The following TARBP1 variants were observed in gnomAD, a reference collection of about 807,000 sequenced individuals.
TARBP1 encodes the protein tRNA (guanosine(18)-2'-O)-methyltransferase TARBP1.
A neutral mutation model predicts 178.6 loss-of-function variants in TARBP1; 144 were observed. The observed-to-expected ratio is 0.81, with a 90% CI of 0.70 to 0.93. The LOEUF (loss-of-function observed/expected upper bound fraction) is 0.93. Among genes scored for constraint, TARBP1 ranks in the 40% least tolerant of loss-of-function variants. The pLI is 0.00. For synonymous variants in TARBP1, 787 were observed against 781.0 expected, an observed-to-expected ratio of 1.01 and a Z score of -0.13; for missense variants, 2,067 against 2,011.7, an observed-to-expected ratio of 1.03 and a Z score of -0.53.
In TARBP1 at chr1:234,478,511, A is replaced by T; in HGVS notation, c.593T>A (p.Val198Glu). 7.2e-7 allele frequency: 1 copy of T among 1,387,762 alleles called. No homozygotes were observed. Among genetic ancestry groups the T allele is most frequent in the East Asian group, 3.4e-5 (1 of 29,774 alleles). The allele number at this position is 1,387,762 out of a possible 1,614,324, so 86.0% of individuals were successfully genotyped here. A position where few individuals can be genotyped will look rare whatever the true frequency, so the allele number is the denominator to read the frequency against. ...CGCCGCCCCGCCACATTGGACCAGC[A>T]CTGGCAGCAGTCGCCCGGCCACCAG... ...AALVAGRLLP[V>E]LVQCGGAALR... is the part of the protein sequence containing the mutation. The change falls in exon 1 of 30, where the codon GTG becomes GAG. Residue 198 changes from valine (V) to glutamate (E), a missense_variant. Coordinates refer to ENST00000040877, the MANE Select transcript of TARBP1 (RefSeq NM_005646.4).
chr1:234,401,061 G>T, intron 25 of TARBP1, 120 bp downstream of exon 25: 1 of 679,186 alleles, frequency 1.5e-6, no homozygotes, highest in Non-Finnish European at 2.4e-6. Flanking sequence ...AAAATGTTAA[G>T]GTGATGTTTG....
chr1:234,437,545 A>T (rs1665157773), intron 12 of TARBP1, among the ~76,000 whole-genome samples, 173 bp from the exon 13 acceptor site: 1 of 152,180 alleles, frequency 6.6e-6, no homozygotes, highest in South Asian at 2.1e-4. Flanking sequence ...CTTAATCTTA[A>T]GTCACTTAGG....
At position 234,431,966 on chromosome 1, in the gene TARBP1, A is replaced by T. The variant is rs12087763; in HGVS notation, c.2394+1444T>A. Among the ~76,000 whole-genome samples, 1,463 of 152,032 alleles carry T rather than the reference A, an allele frequency of 9.6e-3. 25 individuals carry two copies. The highest frequency in any genetic ancestry group is 0.033 in the African/African-American group (1,350 of 41,488). ...AGCCTGGCCAACATGGTGAAACTCC[A>T]TCTCTACTAAACACACAAAAATTAG... On this transcript the variant is annotated intron_variant, in intron 14 of 29. Transcript: ENST00000040877.
At chr1:234,463,471 C>A (rs1333157629) in intron 6 of TARBP1, among the ~76,000 whole-genome samples, 1 of 152,182 alleles carries the variant, frequency 6.6e-6, no homozygotes, top group African/African-American at 2.4e-5. Flanking sequence ...AAAGGGACAA[C>A]TTGCCACAAT....
chr1:234,470,053 G>A (rs1051055082), intron 3 of TARBP1, among the ~76,000 whole-genome samples: 2 of 152,176 alleles, frequency 1.3e-5, no homozygotes, highest in African/African-American at 4.8e-5. Context: ...GATCACCTGA[G>A]GTTAGGAGTT....
intron 23 of TARBP1, among the ~76,000 whole-genome samples, chr1:234,409,386 C>T (rs898894543): frequency 2.6e-5 from 4 of 152,182 alleles, no homozygotes; most frequent in Admixed American, 6.5e-5. Context: ...TTCATCTACC[C>T]CGCAACAGGA....
chr1:234,465,653 T>C lies in TARBP1; in HGVS notation c.1301+3A>G, dbSNP rs757926306. On this transcript the variant is annotated splice_donor_region_variant and intron_variant, in intron 5 of 29. Coordinates refer to ENST00000040877, the MANE Select transcript of TARBP1 (RefSeq NM_005646.4). Reference sequence around the variant, plus strand: ...AATACTTCATAACATAATGTCTCTTTACCTGCTATACAGAGAGCTCTCTGA... The same window carrying C: ...AATACTTCATAACATAATGTCTCTTCACCTGCTATACAGAGAGCTCTCTGA... 10 of 1,567,180 alleles carry C rather than the reference T, an allele frequency of 6.4e-6. No homozygotes were observed. The highest frequency in any genetic ancestry group is 1.2e-5 in the South Asian group (1 of 80,860).
chr1:234,448,912 C>T (rs1480531085), intron 10 of TARBP1, among the ~76,000 whole-genome samples: 2 of 152,040 alleles, frequency 1.3e-5, no homozygotes, highest in South Asian at 2.1e-4. Context: ...GTGAGGGCTA[C>T]GAATGAGAAG....
At position 234,478,264 on chromosome 1, in the gene TARBP1, C is replaced by G; in HGVS notation, c.840G>C (p.Thr280=). ...GCAGCAGGTAGCGCGCTCGCTTGCG[C>G]GTCAGGGCGTCCGCCTGGCCCAGCC... ...QAGLGQADAL[T]RKRARYLLQR... is the part of the protein sequence containing the mutation. The change falls in exon 1 of 30, where the codon ACG becomes ACC. Residue 280 remains threonine, a synonymous_variant. Coordinates refer to ENST00000040877, the MANE Select transcript of TARBP1 (RefSeq NM_005646.4). 6.2e-7 allele frequency: 1 copy of G among 1,600,562 alleles called. No individual in the cohort carries two copies. Among genetic ancestry groups the G allele is most frequent in the Non-Finnish European group, 8.5e-7 (1 of 1,175,426 alleles).
intron 9 of TARBP1, among the ~76,000 whole-genome samples, chr1:234,451,748 C>CAAAAAAAAAAA (rs766485621): frequency 3.0e-4 from 2 of 6,624 alleles, no homozygotes; most frequent in Non-Finnish European, 4.4e-4. Context: ...GACTCCGTCT[C>CAAAAAAAAAAA]AAAAAAAAAA....
intron 20 of TARBP1, among the ~76,000 whole-genome samples, chr1:234,421,879 T>C (rs1663140595): frequency 6.6e-6 from 1 of 152,194 alleles, no homozygotes; most frequent in Admixed American, 6.5e-5. Context: ...GATCCTCATC[T>C]ACTTCATAAC....
At chr1:234,453,738 G>GT (rs199766387) in intron 9 of TARBP1, among the ~76,000 whole-genome samples, 3,075 of 152,108 alleles carry the variant, frequency 0.02, 70 homozygotes, top group African/African-American at 0.061. Context: ...ATACATACAT[G>GT]TAAGTGCTTT....
At chr1:234,469,788 C>T (rs1021903731) in intron 3 of TARBP1, among the ~76,000 whole-genome samples, 11 of 152,338 alleles carry the variant, frequency 7.2e-5, no homozygotes, top group Admixed American at 7.2e-4. Flanking sequence ...CATTGTGTAT[C>T]TCCTAAAAAG....
At chr1:234,429,749 T>C (rs1664208355) in intron 15 of TARBP1, 72 bp from the exon 16 acceptor site, 1 of 912,614 alleles carries the variant, frequency 1.1e-6, no homozygotes, top group Non-Finnish European at 1.5e-6. Context: ...CGTAGCACAC[T>C]ATCCTTTCTA....
At chr1:234,393,559 T>C in intron 27 of TARBP1, 73 bp from the exon 28 acceptor site, 1 of 1,573,730 alleles carries the variant, frequency 6.4e-7, no homozygotes, top group Admixed American at 1.8e-5. Context: ...CATACATTCC[T>C]TTGAAGCTCC....
At chr1:234,402,455 A>G (rs991663274) in intron 24 of TARBP1, among the ~76,000 whole-genome samples, 1 of 152,222 alleles carries the variant, frequency 6.6e-6, no homozygotes, top group African/African-American at 2.4e-5. Context: ...TTGAAAAGTT[A>G]AAGACATGAA....
chr1:234,470,467 G>C (rs952051696), intron 3 of TARBP1, among the ~76,000 whole-genome samples: 1 of 152,108 alleles, frequency 6.6e-6, no homozygotes, highest in South Asian at 2.1e-4. Context: ...AGCAAGGCTG[G>C]CCGTGAGACG....
intron 22 of TARBP1, among the ~76,000 whole-genome samples, chr1:234,416,819 G>T (rs907746560): frequency 6.6e-6 from 1 of 152,130 alleles, no homozygotes; most frequent in Non-Finnish European, 1.5e-5. Context: ...TTAACACAGG[G>T]TGAAGTTTGA....
intron 22 of TARBP1, among the ~76,000 whole-genome samples, chr1:234,416,175 G>A (rs1001776733): frequency 2.6e-5 from 4 of 152,178 alleles, no homozygotes; most frequent in African/African-American, 4.8e-5. Flanking sequence ...CATTTGAGAG[G>A]TGACATAAAC....
Sources: allele counts gnomAD v4.1 joint callset (sites outside exome capture counted in the v4.1 genomes callset), GRCh38; gene constraint gnomAD v4.1.1; transcripts MANE v1.5; gene names NCBI Gene and HGNC (gene_info 2026-07-23, HGNC 2026-07-21).